GAK: variants seen among roughly 807,000 people sequenced by gnomAD.
GAK encodes cyclin-G-associated kinase.
Under a neutral mutation model 143.9 loss-of-function variants are expected in GAK, and 79 were observed. The observed-to-expected ratio is 0.55, with a 90% CI of 0.46 to 0.66. The LOEUF (loss-of-function observed/expected upper bound fraction) is 0.66, where lower values mean the gene tolerates loss of function less well. Among genes scored for constraint, GAK ranks in the 30% least tolerant of loss-of-function variants. The pLI, the probability that GAK is intolerant of heterozygous loss-of-function variation, is 0.00. For synonymous variants in GAK, 881 were observed against 765.5 expected (o/e 1.15, Z -2.49); for missense variants, 1,693 against 1,779.7 (o/e 0.95, Z 0.88).
chr4:893,491 T>C lies in GAK; in HGVS notation c.878-2A>G. Reference sequence around the variant, plus strand: ...CCGGGTTCACCTGCAGCATGGCGCCTGCAGCAGAAGCACAGCGCGCTCGGC... The same window carrying C: ...CCGGGTTCACCTGCAGCATGGCGCCCGCAGCAGAAGCACAGCGCGCTCGGC... On this transcript the variant is annotated splice_acceptor_variant, in intron 8 of 27. Coordinates refer to ENST00000314167, the MANE Select transcript of GAK (RefSeq NM_005255.4). LOFTEE classifies it high-confidence loss of function. The C allele has an allele frequency of 6.4e-7, 1 of 1,563,006 alleles. No individual in the cohort carries two copies.
intron 27 of GAK, 48 bp downstream of exon 27, chr4:849,833 GACCCCCCCCCC>G: frequency 2.5e-6 from 3 of 1,190,140 alleles, no homozygotes; most frequent in Non-Finnish European, 3.5e-6. Flanking sequence ...GGCGGGGCAG[GACCCCCCCCCC>G]GCCCCGCCCC....
chr4:911,775 C>T lies in GAK; in HGVS notation c.280G>A (p.Gly94Ser), dbSNP rs778755274. The change falls in exon 4 of 28, where the codon GGC becomes AGC. Residue 94 changes from glycine to serine, a missense_variant. This residue lies in a region of GAK where 871 missense variants were observed against 991.0 expected (regional missense o/e 0.88). Transcript: ENST00000314167. Reference sequence around the variant, plus strand: ...CAAAACTGGACAATGTTCGGGTGGCCGGAAAGCTTTTTCTGCAGTTGTCTT... The same window carrying T: ...CAAAACTGGACAATGTTCGGGTGGCTGGAAAGCTTTTTCTGCAGTTGTCTT... ...QEVCFMKKLS[G>S]HPNIVQFCSA... 16 of 1,613,680 alleles carry T rather than the reference C, an allele frequency of 9.9e-6. No individual in the cohort carries two copies. The highest frequency in any genetic ancestry group is 5.3e-5 in the African/African-American group (4 of 74,912).
At chr4:912,107 G>T in intron 3 of GAK, 1 of 465,558 alleles carries the variant, frequency 2.1e-6, no homozygotes, top group Non-Finnish European at 4.3e-6. Flanking sequence ...GCGCAGGGAG[G>T]CTGCGGCGTG....
At chr4:920,557 TTTTTGAGACGGAGTC>T in intron 1 of GAK, among the ~76,000 whole-genome samples, 1 of 149,336 alleles carries the variant, frequency 6.7e-6, no homozygotes, top group Non-Finnish European at 1.5e-5. Flanking sequence ...TTTTTTTTTT[TTTTTGAGACGGAGTC>T]TTGGTCTGTT....
intron 1 of GAK, among the ~76,000 whole-genome samples, chr4:918,480 G>A (rs2152957627): frequency 6.6e-6 from 1 of 152,338 alleles, no homozygotes; most frequent in South Asian, 2.1e-4. Context: ...AAGCTCAAGA[G>A]ATCCACTGTA....
chr4:863,498 A>G (rs1750645820), intron 23 of GAK, among the ~76,000 whole-genome samples: 1 of 152,176 alleles, frequency 6.6e-6, no homozygotes, highest in African/African-American at 2.4e-5. Context: ...TGCCATAGGG[A>G]ACCTTTTGTG....
chr4:902,049 A>C (rs571964957), intron 5 of GAK, among the ~76,000 whole-genome samples: 55 of 152,246 alleles, frequency 3.6e-4, no homozygotes, highest in African/African-American at 1.3e-3. Context: ...ACCAGCCTAG[A>C]CAACATGGTG....
intron 17 of GAK, 61 bp downstream of exon 17, chr4:877,029 C>A: frequency 1.7e-6 from 2 of 1,198,394 alleles, no homozygotes; most frequent in Non-Finnish European, 2.5e-6. Flanking sequence ...ACTGTGGCCC[C>A]CAGCCCCCCA....
rs1233755086 is a variant in GAK, at chr4:883,422, T to G, written c.1297A>C (p.Asn433His). 6.2e-7 allele frequency: 1 copy of G among 1,613,666 alleles called. No homozygotes were observed. The highest frequency in any genetic ancestry group is 8.5e-7 in the Non-Finnish European group (1 of 1,180,026). Residue 433 changes from asparagine to histidine, a missense_variant, in exon 13 of 28, where the codon AAC becomes CAC. By Grantham distance (68) the Asn-to-His change is moderately conservative. Coordinates refer to ENST00000314167, the MANE Select transcript of GAK (RefSeq NM_005255.4). ...AACAACCGCACATCTTCGATGTTGT[T>G]TTTGAGCGCTGACTCCACACCTTCT... is the stretch of plus-strand genomic sequence containing the variant. Reference protein sequence around the residue: ...PAEGVESALKNNIEDVRLFLD... With the variant: ...PAEGVESALKHNIEDVRLFLD...
At chr4:886,186 ACAG>A (rs1171014843) in intron 11 of GAK, 5 of 152,352 alleles carry the variant, frequency 3.3e-5, no homozygotes, top group African/African-American at 1.2e-4. Context: ...AGCAAAACAA[ACAG>A]CAGGGCTGCC....
chr4:851,860 G>A lies in GAK; in HGVS notation c.3398C>T (p.Pro1133Leu), dbSNP rs150254936. 219 of 1,609,032 alleles carry A rather than the reference G, an allele frequency of 1.4e-4. No homozygotes were observed. Among genetic ancestry groups the A allele is most frequent in the Non-Finnish European group, 1.8e-4 (209 of 1,177,102 alleles). Residue 1133 changes from proline (P) to leucine (L), a missense_variant, in exon 25 of 28, where the codon CCT becomes CTT. Physicochemically the swap from Pro to Leu is moderately conservative, Grantham distance 98 (BLOSUM62 -3). This residue lies in a region of GAK where 822 missense variants were observed against 788.7 expected (regional missense o/e 1.04). Coordinates refer to ENST00000314167, the MANE Select transcript of GAK (RefSeq NM_005255.4). ...RPPAQGASWP[P>L]QAKPPPKACT... ...GGCTTTGGGGGGCGGCTTGGCCTGA[G>A]GGGGCCATGAGGCGCCCTGGGCTGG...
intron 3 of GAK, chr4:912,124 T>C (rs1482276407): frequency 6.5e-6 from 3 of 462,260 alleles, no homozygotes. Flanking sequence ...CGTGGCTGTG[T>C]CCACCCGAAC....
At chr4:926,916 A>AACCCC (rs1724873115) in intron 1 of GAK, among the ~76,000 whole-genome samples, 11 of 11,658 alleles carry the variant, frequency 9.4e-4, no homozygotes, top group Non-Finnish European at 1.2e-3. Context: ...ACTGCCCCGC[A>AACCCC]CCCCTCCCGG....
At chr4:922,068 A>G (rs955073499) in intron 1 of GAK, among the ~76,000 whole-genome samples, 2 of 152,138 alleles carry the variant, frequency 1.3e-5, no homozygotes, top group Non-Finnish European at 2.9e-5. Flanking sequence ...TGCCCCCAAA[A>G]TGCATCTGCG....
At chr4:890,728 C>A in intron 9 of GAK, 106 bp from the exon 10 acceptor site, 2 of 854,190 alleles carry the variant, frequency 2.3e-6, no homozygotes, top group South Asian at 3.2e-5. Flanking sequence ...ATCCTTCTGC[C>A]CCCTGATCTA....
chr4:874,752 T>C (rs1024335465), intron 18 of GAK, among the ~76,000 whole-genome samples: 8 of 152,190 alleles, frequency 5.3e-5, no homozygotes, highest in South Asian at 2.1e-4. Flanking sequence ...AGGAAAATTT[T>C]TGGCCAATGA....
At chr4:857,280 T>C (rs1377004732) in intron 24 of GAK, among the ~76,000 whole-genome samples, 2 of 152,192 alleles carry the variant, frequency 1.3e-5, no homozygotes, top group Non-Finnish European at 2.9e-5. Context: ...AGTTTCCCTT[T>C]CCGGTGCTGT....
In GAK at chr4:851,848, GGCT is replaced by G. The variant is rs1332665182; in HGVS notation, c.3407_3409del (p.Lys1136_Pro1137delinsThr). The G allele has an allele frequency of 3.1e-6, 5 of 1,608,794 alleles. No homozygotes were observed. The Admixed American group carries it at 5.0e-5, about 16-fold the overall frequency. The stretch of plus-strand genomic sequence containing the variant: ...TGGCTGTGTGCAGGCTTTGGGGGGC[GGCT>G]TGGCCTGAGGGGGCCATGAGGCGCC... On this transcript the variant is annotated inframe_deletion, in exon 25 of 28. Coordinates refer to ENST00000314167, the MANE Select transcript of GAK (RefSeq NM_005255.4).
chr4:865,281 G>A, intron 22 of GAK, 37 bp from the exon 23 acceptor site: 1 of 1,611,722 alleles, frequency 6.2e-7, no homozygotes, highest in Non-Finnish European at 8.5e-7. Context: ...ACAGTTTGGT[G>A]TCTCAGCAGC....
Sources: gnomAD v4.1 joint callset for allele counts (sites outside exome capture counted in the v4.1 genomes callset) on GRCh38, gnomAD v4.1.1 for gene constraint, gnomAD v4.1.1 regional missense constraint, MANE v1.5 for transcripts, NCBI Gene and HGNC (gene_info 2026-07-23, HGNC 2026-07-21) for gene names.